BACH2: variants seen among roughly 807,000 people sequenced by gnomAD.
The protein encoded by BACH2 is BACH transcriptional regulator 2.
Under a neutral mutation model 61.8 loss-of-function variants are expected in BACH2, and 5 were observed. The ratio of observed to expected loss-of-function variants is 0.08; its 90% CI spans 0.04 to 0.17. The LOEUF is 0.17. Among genes scored for constraint, BACH2 ranks in the 10% least tolerant of loss-of-function variants. The pLI is 1.00. For missense variants in BACH2, 824 were observed against 1,091.1 expected (o/e 0.76, Z 3.45); for synonymous variants, 446 against 440.1 (o/e 1.01, Z -0.17).
At chr6:90,243,785 G>A (rs1770537527) in intron 3 of BACH2, among the ~76,000 whole-genome samples, 1 of 152,110 alleles carries the variant, frequency 6.6e-6, no homozygotes, top group South Asian at 2.1e-4. Flanking sequence ...TCTACTACCT[G>A]AACAGTTCCC....
At chr6:90,146,408 G>A (rs1257084016) in intron 4 of BACH2, among the ~76,000 whole-genome samples, 1 of 152,224 alleles carries the variant, frequency 6.6e-6, no homozygotes, top group African/African-American at 2.4e-5. Flanking sequence ...AGTGGTGTCT[G>A]TCCTCAAGGA....
At chr6:90,066,439 T>C (rs1487717148) in intron 5 of BACH2, among the ~76,000 whole-genome samples, 2 of 152,148 alleles carry the variant, frequency 1.3e-5, no homozygotes, top group African/African-American at 2.4e-5. Flanking sequence ...ATATGTGACC[T>C]AGCTGACATT....
At chr6:90,126,494 C>G (rs1783856788) in intron 4 of BACH2, among the ~76,000 whole-genome samples, 1 of 152,076 alleles carries the variant, frequency 6.6e-6, no homozygotes, top group Non-Finnish European at 1.5e-5. Context: ...GGAGAAGGAA[C>G]AAAGACCTTT....
At chr6:89,933,077 C>T (rs1772773104) in intron 8 of BACH2, among the ~76,000 whole-genome samples, 187 bp from the exon 9 acceptor site, 1 of 152,170 alleles carries the variant, frequency 6.6e-6, no homozygotes. Flanking sequence ...TCTGCCACAC[C>T]TTCCATCTGA....
At chr6:90,174,453 A>G (rs553049454) in intron 4 of BACH2, among the ~76,000 whole-genome samples, 58 of 152,206 alleles carry the variant, frequency 3.8e-4, no homozygotes, top group Non-Finnish European at 6.6e-4. Flanking sequence ...ACTTTATAAT[A>G]TAAATGAAAA....
At chr6:90,108,469 T>C (rs1188433133) in intron 4 of BACH2, among the ~76,000 whole-genome samples, 1 of 152,180 alleles carries the variant, frequency 6.6e-6, no homozygotes, top group Non-Finnish European at 1.5e-5. Context: ...TAGTTAGAGA[T>C]TAGTGGACGC....
At chr6:90,028,203 A>G (rs1778736798) in intron 5 of BACH2, among the ~76,000 whole-genome samples, 1 of 152,238 alleles carries the variant, frequency 6.6e-6, no homozygotes, top group African/African-American at 2.4e-5. Flanking sequence ...TGCTCGCATC[A>G]GGAATTATCC....
chr6:90,041,691 G>A (rs886499244), intron 5 of BACH2, among the ~76,000 whole-genome samples: 1 of 152,028 alleles, frequency 6.6e-6, no homozygotes. Context: ...TCTGTAAAAA[G>A]TTGAGTAAAA....
chr6:89,949,375 G>A (rs1398894444), intron 7 of BACH2, among the ~76,000 whole-genome samples: 2 of 152,084 alleles, frequency 1.3e-5, no homozygotes, highest in Non-Finnish European at 2.9e-5. Flanking sequence ...TGCAGTGAAC[G>A]CCAGGTCACG....
In BACH2 at chr6:90,030,103, C is replaced by T. The variant is rs537094281; in HGVS notation, c.-12-21247G>A. On this transcript the variant is annotated intron_variant, in intron 5 of 8. Transcript: ENST00000257749. ...TGGATCCTTGCAGAGTAGAATTAGG[C>T]TGTTCTCTCCTGGTAAAAGCTTGTG... 4.5e-4 allele frequency among the ~76,000 whole-genome samples: 69 copies of T among 152,304 alleles called. 1 individual carries two copies. The South Asian group carries it at 0.014, about 31-fold the overall frequency.
intron 6 of BACH2, among the ~76,000 whole-genome samples, chr6:89,959,196 G>A (rs1438495388): frequency 6.6e-6 from 1 of 151,892 alleles, no homozygotes; most frequent in African/African-American, 2.4e-5. Flanking sequence ...TGAGGAGGGG[G>A]TGATGGCATC....
chr6:90,230,328 T>C (rs770691581), intron 3 of BACH2, among the ~76,000 whole-genome samples: 8 of 152,256 alleles, frequency 5.3e-5, no homozygotes, highest in South Asian at 2.1e-4. Flanking sequence ...ACCTGGTACA[T>C]AGCAAATGTT....
In BACH2 at chr6:90,005,957, A is replaced by G. The variant is rs1276761745; in HGVS notation, c.243+2645T>C. ...CTCACTTAAATGAGAACACACAGCA[A>G]ATTCTCACTTAAAAGGCCAAATAGA... is the stretch of plus-strand genomic sequence containing the variant. On this transcript the variant is annotated intron_variant, in intron 6 of 8. Coordinates refer to ENST00000257749, the MANE Select transcript of BACH2 (RefSeq NM_021813.4). 2.0e-5 allele frequency among the ~76,000 whole-genome samples: 3 copies of G among 152,202 alleles called. No individual in the cohort carries two copies. In the South Asian group the frequency reaches 6.2e-4, roughly 32 times the overall value.
chr6:90,031,516 C>T (rs1261516615), intron 5 of BACH2, among the ~76,000 whole-genome samples: 1 of 152,148 alleles, frequency 6.6e-6, no homozygotes, highest in Non-Finnish European at 1.5e-5. Flanking sequence ...TCTCAGGATA[C>T]AAAATCAATG....
intron 4 of BACH2, among the ~76,000 whole-genome samples, chr6:90,199,454 T>C (rs977627285): frequency 6.6e-6 from 1 of 152,210 alleles, no homozygotes; most frequent in Admixed American, 6.5e-5. Context: ...TAAAGACAAA[T>C]GAGCGTTAAC....
chr6:90,189,292 G>C (rs1057070487), intron 4 of BACH2, among the ~76,000 whole-genome samples: 1 of 152,142 alleles, frequency 6.6e-6, no homozygotes, highest in Non-Finnish European at 1.5e-5. Flanking sequence ...TCAGTATAGT[G>C]AATGTGCAAG....
At chr6:90,087,727 GT>G (rs11403190) in intron 5 of BACH2, among the ~76,000 whole-genome samples, 38 of 149,420 alleles carry the variant, frequency 2.5e-4, no homozygotes, top group African/African-American at 8.3e-4. Context: ...CCATGTGTGT[GT>G]TTTTTTTTTA....
intron 5 of BACH2, among the ~76,000 whole-genome samples, chr6:90,030,183 T>C (rs368660973): frequency 5.9e-5 from 9 of 152,242 alleles, no homozygotes; most frequent in Admixed American, 5.2e-4. Context: ...CCACGGCCTA[T>C]CTCAAACTGC....
chr6:89,928,330 G>A lies in BACH2; in HGVS notation c.*4078C>T, dbSNP rs894255291. On this transcript the variant is annotated 3_prime_UTR_variant, in exon 9 of 9. Transcript: ENST00000257749. ...GGTAGCCAAATAGGGACTTGAGAAA[G>A]CTTTGCAGGCAGCTCTTCCTCATTT... 1.3e-5 allele frequency: 2 copies of A among 152,326 alleles called. No individual in the cohort carries two copies. Among genetic ancestry groups the A allele is most frequent in the African/African-American group, 4.8e-5 (2 of 41,442 alleles). The allele number at this position is 152,326 out of a possible 1,614,324, so 9.4% of individuals were successfully genotyped here.
Sources: allele counts gnomAD v4.1 joint callset (sites outside exome capture counted in the v4.1 genomes callset), GRCh38; gene constraint gnomAD v4.1.1; transcripts MANE v1.5; gene names NCBI Gene and HGNC (gene_info 2026-07-23, HGNC 2026-07-21).